Variants in ACTB observed in about 807,000 individuals in gnomAD.
ACTB encodes the protein actin beta.
In ACTB, 2 loss-of-function variants were observed where a neutral mutation model predicts 30.5. That is an observed-to-expected ratio of 0.07 (90% CI 0.03 to 0.21). The LOEUF (loss-of-function observed/expected upper bound fraction) is 0.21. Ranked by LOEUF, ACTB falls within the 10% of genes least tolerant of loss-of-function variation. The pLI, the probability that ACTB is intolerant of heterozygous loss-of-function variation, is 1.00. For missense variants in ACTB, 56 were observed against 530.0 expected (o/e 0.11, Z 8.78); for synonymous variants, 335 against 217.6 (o/e 1.54, Z -4.75).
At chr7:5,529,909 A>G (rs1031301681) in intron 1 of ACTB, 29 of 541,460 alleles carry the variant, frequency 5.4e-5, no homozygotes, top group Non-Finnish European at 8.4e-5. Flanking sequence ...CGCCCGGTTC[A>G]AACAGCGCCG....
intron 1 of ACTB, among the ~76,000 whole-genome samples, 181 bp downstream of exon 1, chr7:5,530,343 C>T (rs1784866325): frequency 6.6e-6 from 1 of 152,056 alleles, no homozygotes; most frequent in Admixed American, 6.6e-5. Context: ...TCCGAACTGG[C>T]GTGGGGTGTC....
chr7:5,528,953 C>CT, intron 3 of ACTB: 1 of 1,543,328 alleles, frequency 6.5e-7, no homozygotes, highest in Non-Finnish European at 8.8e-7. Context: ...ACAACACTGT[C>CT]TTAGACACCT....
At position 5,528,903 on chromosome 7, in the gene ACTB, C is replaced by A. The variant is rs1784821438; in HGVS notation, c.364-184G>T. ...CTCCAAGGCCGCTTTACACCAGCCT[C>A]ATGGCCTTGTCACACGAGCCAGTGT... is the stretch of plus-strand genomic sequence containing the variant. On this transcript the variant is annotated intron_variant, in intron 3 of 5. Transcript: ENST00000646664. The A allele has an allele frequency of 8.4e-5, 121 of 1,442,300 alleles. 3 individuals are homozygous for A. The South Asian group carries it at 1.5e-3, about 17-fold the overall frequency. The allele number at this position is 1,442,300 out of a possible 1,614,324, so 89.3% of individuals were successfully genotyped here.
At position 5,529,131 on chromosome 7, in the gene ACTB, G is replaced by C. The variant is rs13447399; in HGVS notation, c.363+30C>G. ...CCGGGAGGCCAGGAAGGAGGGAGGC[G>C]GCCACCAGAAGAGGTAGCGGGCCAC... On this transcript the variant is annotated intron_variant, in intron 3 of 5. Transcript: ENST00000646664. 107 of 1,613,710 alleles carry C rather than the reference G, an allele frequency of 6.6e-5. 1 individual carries two copies. In the African/African-American group the frequency reaches 1.3e-3, roughly 20 times the overall value.
chr7:5,529,063 C>T (rs763801135), intron 3 of ACTB, 98 bp downstream of exon 3: 1 of 1,613,162 alleles, frequency 6.2e-7, no homozygotes, highest in Non-Finnish European at 8.5e-7. Flanking sequence ...GAGAGTCCTA[C>T]GGAAAACGGC....
chr7:5,529,847 C>T, intron 1 of ACTB, 184 bp from the exon 2 acceptor site: 2 of 1,028,312 alleles, frequency 1.9e-6, no homozygotes, highest in Non-Finnish European at 1.5e-6. Flanking sequence ...CCGCGGCGCG[C>T]GGCAGGAAGC....
chr7:5,529,764 C>G, intron 1 of ACTB, 101 bp from the exon 2 acceptor site: 1 of 1,570,942 alleles, frequency 6.4e-7, no homozygotes, highest in Non-Finnish European at 8.7e-7. Context: ...CGGCGCGCGC[C>G]CAGATTGGGG....
Position 5,529,405 on chromosome 7 carries a change from G to T in ACTB, c.124-5C>A. The T allele has an allele frequency of 6.2e-7, 1 of 1,613,846 alleles. No individual in the cohort carries two copies. The highest frequency in any genetic ancestry group is 8.5e-7 in the Non-Finnish European group (1 of 1,179,892). ...ACCCATGCCCACCATCACGCCCTGGGAAGGAAAGGACAAGAAGCCCTGAGC... is the reference window on the plus strand; with the variant it reads ...ACCCATGCCCACCATCACGCCCTGGTAAGGAAAGGACAAGAAGCCCTGAGC... On this transcript the variant is annotated splice_region_variant and splice_polypyrimidine_tract_variant and intron_variant, in intron 2 of 5. Coordinates refer to ENST00000646664, the MANE Select transcript of ACTB (RefSeq NM_001101.5).
In ACTB at chr7:5,527,509, A is replaced by G; in HGVS notation, c.*239T>C. Reference sequence around the variant, plus strand: ...ATCTCATATTTGGAATGACTATTAAAAAAACAACAATGTGCAATCAAAGTC... The same window carrying G: ...ATCTCATATTTGGAATGACTATTAAGAAAACAACAATGTGCAATCAAAGTC... On this transcript the variant is annotated 3_prime_UTR_variant, in exon 6 of 6. Coordinates refer to ENST00000646664, the MANE Select transcript of ACTB (RefSeq NM_001101.5). 1.5e-6 allele frequency: 1 copy of G among 659,014 alleles called. No individual in the cohort carries two copies. The highest frequency in any genetic ancestry group is 2.5e-6 in the Non-Finnish European group (1 of 394,622). 40.8% of individuals were successfully genotyped at this position (659,014 alleles called of 1,614,324 possible). A position where few individuals can be genotyped will look rare whatever the true frequency, so the allele number is the denominator to read the frequency against.
intron 3 of ACTB, 122 bp from the exon 4 acceptor site, chr7:5,528,841 G>C: frequency 7.0e-7 from 1 of 1,427,740 alleles, no homozygotes; most frequent in Non-Finnish European, 9.8e-7. Context: ...GGGATGGGGA[G>C]TCTGTTCAGA....
intron 5 of ACTB, 28 bp downstream of exon 5, chr7:5,527,976 G>C (rs751030505): frequency 1.9e-6 from 3 of 1,613,170 alleles, no homozygotes; most frequent in African/African-American, 1.3e-5. Flanking sequence ...GACCTGCCCA[G>C]GTCAGCTCAG....
intron 1 of ACTB, 179 bp from the exon 2 acceptor site, chr7:5,529,842 G>T: frequency 5.6e-6 from 6 of 1,070,012 alleles, no homozygotes; most frequent in Non-Finnish European, 8.4e-6. Flanking sequence ...CGTCCCCGCG[G>T]CGCGCGGCAG....
chr7:5,528,046 C>T lies in ACTB; in HGVS notation c.942G>A (p.Gln314=), dbSNP rs11546939. The part of the protein sequence containing the change: ...TMYPGIADRM[Q]KEITALAPST... ...TGGGTGCCAGGGCAGTGATCTCCTT[C>T]TGCATCCTGTCGGCAATGCCAGGGT... The change falls in exon 5 of 6, where the codon CAG becomes CAA. Residue 314 remains glutamine (Q), a synonymous_variant. Transcript: ENST00000646664. 50,900 of 1,614,222 alleles carry T rather than the reference C, an allele frequency of 0.032. 917 individuals are homozygous for T. Among genetic ancestry groups the T allele is most frequent in the African/African-American group, 0.046 (3,425 of 75,048 alleles).
chr7:5,527,920 G>A (rs376418705), intron 5 of ACTB, 29 bp from the exon 6 acceptor site: 10 of 1,613,006 alleles, frequency 6.2e-6, no homozygotes, highest in Non-Finnish European at 7.6e-6. Context: ...AGGCAGTGAG[G>A]ACCCTGGATG....
intron 4 of ACTB, 24 bp from the exon 5 acceptor site, chr7:5,528,209 C>CT: frequency 6.2e-7 from 1 of 1,613,884 alleles, no homozygotes. Context: ...GAGGGCAGGA[C>CT]TTAGCTTCCA....
intron 1 of ACTB, chr7:5,529,864 C>A: frequency 1.1e-6 from 1 of 871,980 alleles, no homozygotes; most frequent in South Asian, 1.4e-5. Context: ...AAGCCAGGCC[C>A]CAACCCCCTC....
In ACTB at chr7:5,529,422, G is replaced by C. The variant is rs201895137; in HGVS notation, c.124-22C>G. ...CGCCCTGGGAAGGAAAGGACAAGAA[G>C]CCCTGAGCACGGGCGCAGCCCCCAC... On this transcript the variant is annotated intron_variant, in intron 2 of 5. Coordinates refer to ENST00000646664, the MANE Select transcript of ACTB (RefSeq NM_001101.5). 8.7e-6 allele frequency: 14 copies of C among 1,613,828 alleles called. No homozygotes were observed. The East Asian group carries it at 2.9e-4, about 33-fold the overall frequency.
In ACTB at chr7:5,527,523, G is replaced by A. The variant is rs1438654612; in HGVS notation, c.*225C>T. The A allele has an allele frequency of 1.3e-5, 9 of 678,204 alleles. No homozygotes were observed. The highest frequency in any genetic ancestry group is 2.0e-5 in the Non-Finnish European group (8 of 408,194). The allele number at this position is 678,204 out of a possible 1,614,324, so 42.0% of individuals were successfully genotyped here. On this transcript the variant is annotated 3_prime_UTR_variant, in exon 6 of 6. Coordinates refer to ENST00000646664, the MANE Select transcript of ACTB (RefSeq NM_001101.5). The stretch of plus-strand genomic sequence containing the variant: ...ATGACTATTAAAAAAACAACAATGT[G>A]CAATCAAAGTCCTCGGCCACATTGT...
chr7:5,528,967 C>T (rs1290455428), intron 3 of ACTB, 194 bp downstream of exon 3: 2 of 1,560,238 alleles, frequency 1.3e-6, no homozygotes, highest in Non-Finnish European at 1.7e-6. Context: ...GACACCTAGT[C>T]AGAGAGACAA....
Sources: gnomAD v4.1 joint callset for allele counts (sites outside exome capture counted in the v4.1 genomes callset) on GRCh38, gnomAD v4.1.1 for gene constraint, MANE v1.5 for transcripts, NCBI Gene and HGNC (gene_info 2026-07-23, HGNC 2026-07-21) for gene names.